The following SAMHD1 variants were observed in gnomAD, a reference collection of about 807,000 sequenced individuals.
SAMHD1 encodes deoxynucleoside triphosphate triphosphohydrolase SAMHD1.
A neutral mutation model predicts 79.6 loss-of-function variants in SAMHD1; 54 were observed. That is an observed-to-expected ratio of 0.68 (90% CI 0.55 to 0.85). The LOEUF (loss-of-function observed/expected upper bound fraction) is 0.85, where lower values mean the gene tolerates loss of function less well. SAMHD1 is among the 40% of genes least tolerant of loss of function. SAMHD1 has a pLI of 0.00. For synonymous variants in SAMHD1, 260 were observed against 264.1 expected, an observed-to-expected ratio of 0.98 and a Z score of 0.15; for missense variants, 663 against 782.7, an observed-to-expected ratio of 0.85 and a Z score of 1.82.
chr20:36,946,184 G>A lies in SAMHD1; in HGVS notation c.275+554C>T, dbSNP rs142127298. Among the ~76,000 whole-genome samples, 162 of 151,770 alleles carry A rather than the reference G, an allele frequency of 1.1e-3. 1 individual carries two copies. The highest frequency in any genetic ancestry group is 3.6e-3 in the African/African-American group (150 of 41,400). On this transcript the variant is annotated intron_variant, in intron 2 of 15. Transcript: ENST00000646673. ...TTCCAGCACTCTGGGAGGCTGAGGC[G>A]GGCAGATCACGAGGTCAGGAGATTG...
In SAMHD1 at chr20:36,892,737, G is replaced by A; in HGVS notation, c.*195C>T. On this transcript the variant is annotated 3_prime_UTR_variant, in exon 16 of 16. Coordinates refer to ENST00000646673, the MANE Select transcript of SAMHD1 (RefSeq NM_015474.4). ...TAATATTAAAAATAGGCAAGGTAAT[G>A]CTTTTCATAGTATAGTAAGATTTGC... 2.9e-6 allele frequency: 2 copies of A among 698,716 alleles called. No homozygotes were observed. The highest frequency in any genetic ancestry group is 4.8e-5 in the Admixed American group (2 of 41,852). The allele number at this position is 698,716 out of a possible 1,614,324, so 43.3% of individuals were successfully genotyped here. A position where few individuals can be genotyped will look rare whatever the true frequency, so the allele number is the denominator to read the frequency against.
intron 6 of SAMHD1, among the ~76,000 whole-genome samples, chr20:36,921,911 A>G (rs2063508393): frequency 6.6e-6 from 1 of 152,052 alleles, no homozygotes. Context: ...CTGGTCTCCA[A>G]CTTCTGACCT....
chr20:36,942,364 G>A lies in SAMHD1; in HGVS notation c.276-1253C>T, dbSNP rs191335747. ...ACCCGGGAGGCGGAGATTGCGGTGA[G>A]CCGAGATGGCGCCATTGCACTCCAG... On this transcript the variant is annotated intron_variant, in intron 2 of 15. Coordinates refer to ENST00000646673, the MANE Select transcript of SAMHD1 (RefSeq NM_015474.4). Among the ~76,000 whole-genome samples the A allele has an allele frequency of 1.4e-3, 210 of 152,258 alleles. 1 individual carries two copies. The highest frequency in any genetic ancestry group is 5.0e-3 in the African/African-American group (207 of 41,560).
At chr20:36,897,715 C>T (rs936400631) in intron 15 of SAMHD1, 107 bp downstream of exon 15, 16 of 1,267,724 alleles carry the variant, frequency 1.3e-5, no homozygotes, top group Non-Finnish European at 1.7e-5. Context: ...AAAACCATAA[C>T]CAAATGACTA....
chr20:36,901,268 G>A (rs1048502607), intron 13 of SAMHD1, among the ~76,000 whole-genome samples: 4 of 152,000 alleles, frequency 2.6e-5, no homozygotes, highest in African/African-American at 9.7e-5. Context: ...GGGCTCAAGC[G>A]ATCTTCCCAC....
At position 36,894,709 on chromosome 20, in the gene SAMHD1, G is replaced by A. The variant is rs1275312196; in HGVS notation, c.1747-1643C>T. Among the ~76,000 whole-genome samples the A allele has an allele frequency of 2.6e-5, 4 of 151,914 alleles. 1 individual carries two copies. Among genetic ancestry groups the A allele is most frequent in the Non-Finnish European group, 4.4e-5 (3 of 67,930 alleles). ...TTCAACCCGGGAGGTGGAGGTTGCAGTGAGCTGAAACTGTGCCACTGCACT... is the reference window on the plus strand; with the variant it reads ...TTCAACCCGGGAGGTGGAGGTTGCAATGAGCTGAAACTGTGCCACTGCACT... On this transcript the variant is annotated intron_variant, in intron 15 of 15. Coordinates refer to ENST00000646673, the MANE Select transcript of SAMHD1 (RefSeq NM_015474.4).
chr20:36,898,508 G>T lies in SAMHD1; in HGVS notation c.1540C>A (p.Pro514Thr), dbSNP rs202010124. 14 of 1,613,762 alleles carry T rather than the reference G, an allele frequency of 8.7e-6. No individual in the cohort carries two copies. Among genetic ancestry groups the T allele is most frequent in the Non-Finnish European group, 1.2e-5 (14 of 1,179,878 alleles). The change falls in exon 14 of 16, where the codon CCA (proline) becomes ACA (threonine). Residue 514 changes from proline (P) to threonine (T), a missense_variant. Physicochemically the swap from Pro to Thr is conservative, Grantham distance 38 (BLOSUM62 -1). Coordinates refer to ENST00000646673, the MANE Select transcript of SAMHD1 (RefSeq NM_015474.4). ...NMDYGMQEKN[P>T]IDHVSFYCKT... is the part of the protein sequence containing the mutation. ...CAATAGAAGCTAACATGATCAATTG[G>T]ATTCTTTTCTTGCATTCCATAATCC... is the stretch of plus-strand genomic sequence containing the variant.
chr20:36,921,245 T>C (rs1224950412), intron 6 of SAMHD1, among the ~76,000 whole-genome samples: 1 of 151,524 alleles, frequency 6.6e-6, no homozygotes, highest in Non-Finnish European at 1.5e-5. Context: ...ATATAAAAAT[T>C]AGCTGGGTGT....
intron 2 of SAMHD1, among the ~76,000 whole-genome samples, chr20:36,942,644 AT>A (rs1283029529): frequency 2.0e-5 from 2 of 100,362 alleles, no homozygotes; most frequent in Non-Finnish European, 3.8e-5. Context: ...CAATGTTTCT[AT>A]CTAACTTCTT....
chr20:36,931,311 T>C (rs756978251), intron 4 of SAMHD1, among the ~76,000 whole-genome samples: 22 of 152,226 alleles, frequency 1.4e-4, no homozygotes, highest in Non-Finnish European at 3.2e-4. Context: ...ATTTCACTTC[T>C]GGGTATACAC....
chr20:36,948,596 T>TGGTG lies in SAMHD1; in HGVS notation c.209-1796_209-1793dup, dbSNP rs1178022905. On this transcript the variant is annotated intron_variant, in intron 1 of 15. Coordinates refer to ENST00000646673, the MANE Select transcript of SAMHD1 (RefSeq NM_015474.4). ...AAGAAAGACTATTGCTGGTCGGGCGTGGTGGCTCACACCTGTAATCCCAGC... is the reference window on the plus strand; with the variant it reads ...AAGAAAGACTATTGCTGGTCGGGCGTGGTGGGTGGCTCACACCTGTAATCCCAGC... 7.7e-4 allele frequency among the ~76,000 whole-genome samples: 113 copies of TGGTG among 147,612 alleles called. 1 individual carries two copies. Among genetic ancestry groups the TGGTG allele is most frequent in the African/African-American group, 2.8e-3 (111 of 40,332 alleles).
rs959402363 is a variant in SAMHD1, at chr20:36,890,799, T to G, written c.*2133A>C. On this transcript the variant is annotated 3_prime_UTR_variant, in exon 16 of 16. Transcript: ENST00000646673. Reference sequence around the variant, plus strand: ...GCCAAGAAAAATGTAACCTTGTAAATAGCACAGCGTTCTCATAATGGAAAC... The same window carrying G: ...GCCAAGAAAAATGTAACCTTGTAAAGAGCACAGCGTTCTCATAATGGAAAC... The G allele has an allele frequency of 4.6e-5, 7 of 152,102 alleles. No homozygotes were observed. Among genetic ancestry groups the G allele is most frequent in the African/African-American group, 1.7e-4 (7 of 41,412 alleles). The allele number at this position is 152,102 out of a possible 1,614,324, so 9.4% of individuals were successfully genotyped here. A position where few individuals can be genotyped will look rare whatever the true frequency, so the allele number is the denominator to read the frequency against.
chr20:36,925,890 G>A (rs183831401), intron 6 of SAMHD1, among the ~76,000 whole-genome samples: 25 of 152,210 alleles, frequency 1.6e-4, no homozygotes, highest in African/African-American at 5.3e-4. Flanking sequence ...TGGTACAACC[G>A]CATTGGAAAA....
At chr20:36,940,837 T>C (rs955806382) in intron 3 of SAMHD1, 4 of 600,990 alleles carry the variant, frequency 6.7e-6, no homozygotes, top group South Asian at 4.0e-5. Context: ...CTTTTCTGTA[T>C]GCTTAAACAT....
intron 11 of SAMHD1, among the ~76,000 whole-genome samples, chr20:36,907,532 A>C (rs2063412003): frequency 6.9e-6 from 1 of 144,036 alleles, no homozygotes; most frequent in African/African-American, 2.5e-5. Flanking sequence ...CACCTGGATA[A>C]AGATGACTTT....
At chr20:36,945,108 T>C (rs886811272) in intron 2 of SAMHD1, among the ~76,000 whole-genome samples, 19 of 152,194 alleles carry the variant, frequency 1.2e-4, no homozygotes, top group African/African-American at 4.6e-4. Flanking sequence ...TTATCATAGA[T>C]CACTGCAACC....
At position 36,927,373 on chromosome 20, in the gene SAMHD1, A is replaced by G. The variant is rs920812391; in HGVS notation, c.626-121T>C. ...GCTCTTGTTGCCCAGGCTGGAGTGTAGTGGTACAATCTTGGCTCAACACAA... is the reference window on the plus strand; with the variant it reads ...GCTCTTGTTGCCCAGGCTGGAGTGTGGTGGTACAATCTTGGCTCAACACAA... On this transcript the variant is annotated intron_variant, in intron 5 of 15. Transcript: ENST00000646673. The G allele has an allele frequency of 7.7e-6, 6 of 778,712 alleles. No homozygotes were observed. In the African/African-American group the frequency reaches 1.0e-4, roughly 13 times the overall value. 48.2% of individuals were successfully genotyped at this position (778,712 alleles called of 1,614,324 possible).
At chr20:36,946,906 C>G (rs1384526002) in intron 1 of SAMHD1, 102 bp from the exon 2 acceptor site, 2 of 864,782 alleles carry the variant, frequency 2.3e-6, no homozygotes, top group African/African-American at 3.3e-5. Context: ...TAAGTGAGTA[C>G]CCACTGCAGG....
At chr20:36,930,687 A>AT (rs2063562880) in intron 5 of SAMHD1, 73 bp downstream of exon 5, 2 of 1,028,292 alleles carry the variant, frequency 1.9e-6, no homozygotes, top group Non-Finnish European at 3.1e-6. Flanking sequence ...GGTTGATCTG[A>AT]TTTTTTAACG....
Sources: gnomAD v4.1 joint callset for allele counts (sites outside exome capture counted in the v4.1 genomes callset) on GRCh38, gnomAD v4.1.1 for gene constraint, MANE v1.5 for transcripts, NCBI Gene and HGNC (gene_info 2026-07-23, HGNC 2026-07-21) for gene names.